The following SMTN variants were observed in gnomAD, a reference collection of about 807,000 sequenced individuals.
The protein encoded by SMTN is smoothelin.
In SMTN, 58 loss-of-function variants were observed where a neutral mutation model predicts 102.0. The observed-to-expected ratio is 0.57, with a 90% CI of 0.46 to 0.71. The LOEUF (loss-of-function observed/expected upper bound fraction) is 0.71. Among genes scored for constraint, SMTN ranks in the 30% least tolerant of loss-of-function variants. The pLI, the probability that SMTN is intolerant of heterozygous loss-of-function variation, is 0.00. For missense variants in SMTN, 1,185 were observed against 1,241.7 expected (o/e 0.95, Z 0.69); for synonymous variants, 478 against 497.9 (o/e 0.96, Z 0.53).
chr22:31,083,369 ATCCAGGGTACCTC>A, intron 2 of SMTN, 60 bp downstream of exon 2: 1 of 1,478,094 alleles, frequency 6.8e-7, no homozygotes, highest in Non-Finnish European at 9.0e-7. Flanking sequence ...GGCAGGGTCA[ATCCAGGGTACCTC>A]TCAGCTGACA....
In SMTN at chr22:31,088,904, C is replaced by T. The variant is rs1448271142; in HGVS notation, c.406C>T (p.Arg136Cys). The change falls in exon 6 of 21, where the codon CGT becomes TGT. Residue 136 changes from arginine to cysteine, a missense_variant. Physicochemically the swap from Arg to Cys is radical, Grantham distance 180. This residue lies in a region of SMTN where 1,096 missense variants were observed against 1,112.7 expected (regional missense o/e 0.98). Transcript: ENST00000333137. ...CTTGGCTGGGAGGTTGTACAGCGGG[C>T]GTCCCAACAGTGGCTCAAGAGAGGA... ...ATLAGRLYSGRPNSGSREDSK... is the reference protein window; with the variant it reads ...ATLAGRLYSGCPNSGSREDSK... 17 of 1,613,916 alleles carry T rather than the reference C, an allele frequency of 1.1e-5. No individual in the cohort carries two copies. The highest frequency in any genetic ancestry group is 5.5e-5 in the South Asian group (5 of 91,078).
At chr22:31,093,462 AGGGCCTG>A in intron 11 of SMTN, 1 of 582,620 alleles carries the variant, frequency 1.7e-6, no homozygotes. Context: ...CGGGGGTACC[AGGGCCTG>A]GGCCTGAGCT....
At position 31,089,979 on chromosome 22, in the gene SMTN, C is replaced by T. The variant is rs756615336; in HGVS notation, c.752C>T (p.Ser251Phe). The change falls in exon 7 of 21, where the codon TCT (serine) becomes TTT (phenylalanine). Residue 251 changes from serine (S) to phenylalanine (F), a missense_variant. Physicochemically the swap from Ser to Phe is radical, Grantham distance 155. Transcript: ENST00000333137. Reference protein sequence around the residue: ...PKTTSPEPQESPTLPSTEGQV... With the variant: ...PKTTSPEPQEFPTLPSTEGQV... ...ACCACCAGCCCTGAGCCTCAGGAGTCTCCAACGCTCCCCAGCACTGAGGGC... is the reference window on the plus strand; with the variant it reads ...ACCACCAGCCCTGAGCCTCAGGAGTTTCCAACGCTCCCCAGCACTGAGGGC... The T allele has an allele frequency of 1.2e-6, 2 of 1,600,442 alleles. No homozygotes were observed. Among genetic ancestry groups the T allele is most frequent in the Non-Finnish European group, 1.7e-6 (2 of 1,173,394 alleles).
chr22:31,092,219 G>A (rs927330944), intron 11 of SMTN, among the ~76,000 whole-genome samples: 1 of 152,192 alleles, frequency 6.6e-6, no homozygotes, highest in East Asian at 1.9e-4. Flanking sequence ...CAGTGCCCCT[G>A]CGCCCACCCA....
At chr22:31,087,130 A>AT (rs1249428615) in intron 2 of SMTN, 1 of 152,296 alleles carries the variant, frequency 6.6e-6, no homozygotes, top group Non-Finnish European at 1.5e-5. Context: ...GAGGATCTGT[A>AT]TGTAGCAGGT....
intron 16 of SMTN, among the ~76,000 whole-genome samples, chr22:31,098,050 C>G (rs2043742157): frequency 6.6e-6 from 1 of 152,216 alleles, no homozygotes; most frequent in African/African-American, 2.4e-5. Context: ...ACCTTAGCCC[C>G]ATGAGAAAGG....
chr22:31,099,363 C>G, intron 18 of SMTN, 184 bp downstream of exon 18: 1 of 599,082 alleles, frequency 1.7e-6, no homozygotes, highest in East Asian at 2.8e-5. Flanking sequence ...GCCCTAGATT[C>G]CAGAATCAGT....
chr22:31,100,764 A>C, intron 19 of SMTN, 121 bp from the exon 20 acceptor site: 1 of 621,022 alleles, frequency 1.6e-6, no homozygotes, highest in Non-Finnish European at 2.9e-6. Context: ...GTGTGTGTGT[A>C]TGTGTGTGTG....
rs1357617537 is a variant in SMTN, at chr22:31,098,739, G to A, written c.2232G>A (p.Glu744=). The part of the protein sequence containing the change: ...SLAALEKRQA[E]KKKELMKAQS... Reference sequence around the variant, plus strand: ...CGGCGCTCGAGAAACGGCAGGCCGAGAAGAAGAAAGAGCTGATGAAGGCGC... The same window carrying A: ...CGGCGCTCGAGAAACGGCAGGCCGAAAAGAAGAAAGAGCTGATGAAGGCGC... Residue 744 remains glutamate, a synonymous_variant, in exon 17 of 21, where the codon GAG becomes GAA. Coordinates refer to ENST00000333137, the MANE Select transcript of SMTN (RefSeq NM_134269.3). The A allele has an allele frequency of 6.2e-7, 1 of 1,613,322 alleles. No homozygotes were observed. Among genetic ancestry groups the A allele is most frequent in the Non-Finnish European group, 8.5e-7 (1 of 1,179,882 alleles).
Position 31,097,350 on chromosome 22 carries a change from C to T in SMTN, c.2159+12C>T. The T allele has an allele frequency of 2.5e-6, 4 of 1,612,138 alleles. No individual in the cohort carries two copies. Among genetic ancestry groups the T allele is most frequent in the Non-Finnish European group, 3.4e-6 (4 of 1,178,244 alleles). On this transcript the variant is annotated intron_variant, in intron 16 of 20. Coordinates refer to ENST00000333137, the MANE Select transcript of SMTN (RefSeq NM_134269.3). ...AAGAAGATGGGCAGGTGAGCACCAGCACCCAATCCCTGACCATAGAGGAGT... is the reference window on the plus strand; with the variant it reads ...AAGAAGATGGGCAGGTGAGCACCAGTACCCAATCCCTGACCATAGAGGAGT...
intron 1 of SMTN, chr22:31,066,661 G>A (rs1000376412): frequency 5.3e-5 from 8 of 152,134 alleles, no homozygotes; most frequent in African/African-American, 1.9e-4. Context: ...TTACTGAGTG[G>A]ACACACTTTA....
chr22:31,089,091 T>G, intron 6 of SMTN, 122 bp downstream of exon 6: 1 of 774,262 alleles, frequency 1.3e-6, no homozygotes, highest in Non-Finnish European at 2.1e-6. Flanking sequence ...CCATCCAGCC[T>G]CTATTTAGCA....
chr22:31,100,412 T>A (rs1453615656), intron 19 of SMTN, among the ~76,000 whole-genome samples: 1 of 151,892 alleles, frequency 6.6e-6, no homozygotes, highest in Non-Finnish European at 1.5e-5. Flanking sequence ...TCTCCATCTG[T>A]CTTCCCTTCT....
intron 13 of SMTN, chr22:31,096,059 T>A: frequency 4.2e-6 from 1 of 236,372 alleles, no homozygotes; most frequent in Non-Finnish European, 8.4e-6. Flanking sequence ...AGTTCTTCCC[T>A]GGACACATCT....
intron 20 of SMTN, chr22:31,101,339 G>T (rs913246037): frequency 2.0e-5 from 7 of 357,626 alleles, no homozygotes; most frequent in Admixed American, 1.2e-4. Flanking sequence ...ACTAAGCTGG[G>T]ATCTGAACAA....
At chr22:31,079,183 G>A (rs1015754092), upstream of SMTN, among the ~76,000 whole-genome samples, 2 of 152,200 alleles carry the variant, frequency 1.3e-5, no homozygotes, top group African/African-American at 4.8e-5. Flanking sequence ...CCCTCGTCAC[G>A]GGATGTTTAC....
intron 2 of SMTN, chr22:31,085,312 G>A: frequency 3.1e-5 from 46 of 1,486,362 alleles, no homozygotes; most frequent in Non-Finnish European, 4.1e-5. Flanking sequence ...CGAGGGCGGC[G>A]CCCTGCGAGG....
chr22:31,075,874 G>A (rs754541316), intron 1 of SMTN, among the ~76,000 whole-genome samples: 5 of 152,028 alleles, frequency 3.3e-5, no homozygotes, highest in Non-Finnish European at 5.9e-5. Context: ...TCGCTCTGTC[G>A]CCCAGGCTGG....
At chr22:31,087,717 G>A (rs1038573068) in intron 2 of SMTN, among the ~76,000 whole-genome samples, 2 of 152,242 alleles carry the variant, frequency 1.3e-5, no homozygotes, top group Admixed American at 1.3e-4. Context: ...CAAGTGGGCA[G>A]TTTCTGGCTG....
Sources: gnomAD v4.1 joint callset for allele counts (sites outside exome capture counted in the v4.1 genomes callset) on GRCh38, gnomAD v4.1.1 for gene constraint, gnomAD v4.1.1 regional missense constraint, MANE v1.5 for transcripts, NCBI Gene and HGNC (gene_info 2026-07-23, HGNC 2026-07-21) for gene names.